C8orf34: variants seen among roughly 807,000 people sequenced by gnomAD.
The protein encoded by C8orf34 is chromosome 8 open reading frame 34.
C8orf34 carries 65 observed loss-of-function variants against 68.3 expected under a neutral mutation model. That is an observed-to-expected ratio of 0.95 (90% CI 0.78 to 1.17). The LOEUF (loss-of-function observed/expected upper bound fraction) is 1.17. Ranked by LOEUF, C8orf34 falls within the 50% of genes most tolerant of loss-of-function variation. The probability of loss-of-function intolerance (pLI) is 0.00; values close to 1 mark genes in which losing one functional copy is unlikely to be tolerated. For missense variants in C8orf34, 664 were observed against 655.4 expected (o/e 1.01, Z -0.14); for synonymous variants, 244 against 241.2 (o/e 1.01, Z -0.11).
At position 68,448,343 on chromosome 8, in the gene C8orf34, A is replaced by G. The variant is rs567591741; in HGVS notation, c.607+1883A>G. Among the ~76,000 whole-genome samples the G allele has an allele frequency of 6.6e-5, 10 of 151,618 alleles. No homozygotes were observed. In the South Asian group the frequency reaches 1.9e-3, roughly 28 times the overall value. ...AAAGCAAAAATAATAATAAAATAGC[A>G]TACTTTTTTTTAAAAAATAGCATAT... On this transcript the variant is annotated intron_variant, in intron 3 of 13. Transcript: ENST00000518698.
chr8:68,725,389 A>AGGG (rs1821800624), intron 10 of C8orf34, among the ~76,000 whole-genome samples: 1 of 152,238 alleles, frequency 6.6e-6, no homozygotes, highest in African/African-American at 2.4e-5. Flanking sequence ...TACTTAAAGT[A>AGGG]GAAAAGAAAA....
At chr8:68,770,945 C>T (rs1823319619) in intron 10 of C8orf34, among the ~76,000 whole-genome samples, 1 of 152,044 alleles carries the variant, frequency 6.6e-6, no homozygotes, top group Non-Finnish European at 1.5e-5. Context: ...GTGTTTTTGT[C>T]CTTAGCAATG....
intron 8 of C8orf34, among the ~76,000 whole-genome samples, chr8:68,702,893 A>G (rs1422582876): frequency 6.6e-6 from 1 of 152,116 alleles, no homozygotes; most frequent in African/African-American, 2.4e-5. Flanking sequence ...TTGTGAGTGT[A>G]TCTTTACTGA....
chr8:68,353,373 G>A (rs1449444788), intron 1 of C8orf34, among the ~76,000 whole-genome samples: 1 of 151,942 alleles, frequency 6.6e-6, no homozygotes, highest in Admixed American at 6.6e-5. Context: ...AGGGATGGGG[G>A]AAGTTTAACT....
At chr8:68,333,929 G>A (rs1464977305) in intron 1 of C8orf34, among the ~76,000 whole-genome samples, 1 of 152,130 alleles carries the variant, frequency 6.6e-6, no homozygotes, top group Non-Finnish European at 1.5e-5. Context: ...CCCCCTTGTG[G>A]ATAGTTTAAG....
intron 1 of C8orf34, among the ~76,000 whole-genome samples, chr8:68,407,829 C>G (rs16934578): frequency 0.035 from 5,300 of 152,142 alleles, 315 homozygotes; most frequent in African/African-American, 0.12. Flanking sequence ...CTCAGTCCTT[C>G]CACTTATATC....
intron 8 of C8orf34, among the ~76,000 whole-genome samples, chr8:68,670,736 G>A (rs116465857): frequency 6.6e-6 from 1 of 152,000 alleles, no homozygotes; most frequent in Admixed American, 6.6e-5. Context: ...TCTCATATTT[G>A]CAGGACTCCA....
chr8:68,536,095 T>G (rs1450466867), intron 7 of C8orf34, among the ~76,000 whole-genome samples: 1 of 151,920 alleles, frequency 6.6e-6, no homozygotes, highest in Non-Finnish European at 1.5e-5. Context: ...AATGAGAGAT[T>G]TATTGCTGGG....
chr8:68,377,602 T>G (rs1452032582), intron 1 of C8orf34, among the ~76,000 whole-genome samples: 1 of 152,104 alleles, frequency 6.6e-6, no homozygotes, highest in Non-Finnish European at 1.5e-5. Context: ...GACAATATCC[T>G]ATATTAAATG....
chr8:68,542,983 A>G (rs1815751450), intron 7 of C8orf34, among the ~76,000 whole-genome samples: 1 of 152,118 alleles, frequency 6.6e-6, no homozygotes, highest in African/African-American at 2.4e-5. Context: ...TCCAAGTTGT[A>G]TTATTGCTTT....
At chr8:68,583,478 G>T (rs1183220946) in intron 7 of C8orf34, among the ~76,000 whole-genome samples, 1 of 152,062 alleles carries the variant, frequency 6.6e-6, no homozygotes, top group Non-Finnish European at 1.5e-5. Flanking sequence ...AATCTAAAAC[G>T]TATTCCCTAT....
chr8:68,745,655 T>A (rs866748540), intron 10 of C8orf34, among the ~76,000 whole-genome samples: 1,614 of 151,938 alleles, frequency 0.011, 31 homozygotes, highest in African/African-American at 0.037. Flanking sequence ...TACATAATGG[T>A]AAAGGGATCA....
intron 1 of C8orf34, among the ~76,000 whole-genome samples, chr8:68,385,072 A>G (rs1285924581): frequency 6.6e-6 from 1 of 152,226 alleles, no homozygotes; most frequent in African/African-American, 2.4e-5. Flanking sequence ...GAATGTAAAC[A>G]ACTTGAATTG....
At chr8:68,561,089 C>T (rs184422640) in intron 7 of C8orf34, among the ~76,000 whole-genome samples, 221 of 151,188 alleles carry the variant, frequency 1.5e-3, no homozygotes, top group African/African-American at 5.0e-3. Flanking sequence ...TTCAGGTGAT[C>T]CTTCCAGTGT....
At chr8:68,491,339 T>C (rs1186284361) in intron 5 of C8orf34, among the ~76,000 whole-genome samples, 2 of 152,182 alleles carry the variant, frequency 1.3e-5, no homozygotes, top group Admixed American at 6.5e-5. Flanking sequence ...CGATTGCTGC[T>C]GTGACACTTT....
intron 8 of C8orf34, among the ~76,000 whole-genome samples, chr8:68,687,978 T>C (rs1054427350): frequency 6.6e-6 from 1 of 151,932 alleles, no homozygotes; most frequent in Non-Finnish European, 1.5e-5. Flanking sequence ...AGGACAGGAA[T>C]AGACATTTCT....
chr8:68,603,941 C>G (rs979414186), intron 7 of C8orf34, among the ~76,000 whole-genome samples: 1 of 152,080 alleles, frequency 6.6e-6, no homozygotes, highest in Non-Finnish European at 1.5e-5. Flanking sequence ...CTGCATCCTT[C>G]TGACTAATAA....
At chr8:68,425,960 C>G (rs994361912) in intron 1 of C8orf34, among the ~76,000 whole-genome samples, 2 of 152,092 alleles carry the variant, frequency 1.3e-5, no homozygotes, top group South Asian at 4.1e-4. Flanking sequence ...GGATAAAGAG[C>G]ATTTGTAGGG....
At chr8:68,393,118 G>T (rs1278413568) in intron 1 of C8orf34, among the ~76,000 whole-genome samples, 1 of 149,540 alleles carries the variant, frequency 6.7e-6, no homozygotes, top group Non-Finnish European at 1.5e-5. Flanking sequence ...TAGGCTTTTT[G>T]TGAATAACGT....
Sources: allele counts gnomAD v4.1 joint callset (sites outside exome capture counted in the v4.1 genomes callset), GRCh38; gene constraint gnomAD v4.1.1; transcripts MANE v1.5; gene names NCBI Gene and HGNC (gene_info 2026-07-23, HGNC 2026-07-21).